The following ADAMTS4 variants were observed in gnomAD, a reference collection of about 807,000 sequenced individuals.
The protein encoded by ADAMTS4 is ADAM metallopeptidase with thrombospondin type 1 motif 4.
In ADAMTS4, 38 loss-of-function variants were observed where a neutral mutation model predicts 66.7. The ratio of observed to expected loss-of-function variants is 0.57; its 90% CI spans 0.44 to 0.75. The LOEUF (loss-of-function observed/expected upper bound fraction) is 0.75, where lower values mean the gene tolerates loss of function less well. ADAMTS4 is among the 30% of genes least tolerant of loss of function. ADAMTS4 has a pLI of 0.00. For synonymous variants in ADAMTS4, 418 were observed against 461.5 expected, an observed-to-expected ratio of 0.91 and a Z score of 1.21; for missense variants, 1,014 against 1,116.7, an observed-to-expected ratio of 0.91 and a Z score of 1.31.
Position 161,198,041 on chromosome 1 carries a change from AC to A in ADAMTS4, c.586del (p.Val196SerfsTer21). On this transcript the variant is annotated frameshift_variant, in exon 1 of 9. Transcript: ENST00000367996. LOFTEE classifies it high-confidence loss of function. This position sits in a 1 kb window ranked among gnomAD's most constrained non-coding sequence, Gnocchi z 4.7. ...PASGQGPMCNVKAPLGSPSPR... is the reference protein window; with the variant it reads ...PASGQGPMCNXKAPLGSPSPR... ...GCTGGGGCTTCCAAGAGGAGCCTTG[AC>A]GTTGCACATGGGACCTTGACCGCTG... 1 of 1,596,554 alleles carries A rather than the reference AC, an allele frequency of 6.3e-7. No individual in the cohort carries two copies. The highest frequency in any genetic ancestry group is 1.1e-5 in the South Asian group (1 of 89,006).
rs758489640 is a variant in ADAMTS4 at position 161,191,571 on chromosome 1, G to A, written c.2088-7C>T. On this transcript the variant is annotated splice_region_variant and splice_polypyrimidine_tract_variant and intron_variant, in intron 8 of 8. Transcript: ENST00000367996. ...CACATTGTTGTATCCGTACCTGTGT[G>A]GAAGGAGTAGATGGGGAGCTCAGGA... 25 of 1,598,854 alleles carry A rather than the reference G, an allele frequency of 1.6e-5. No homozygotes were observed. The South Asian group carries it at 2.6e-4, about 17-fold the overall frequency.
At chr1:161,197,959 A>C in intron 1 of ADAMTS4, 36 bp downstream of exon 1, 1 of 1,520,484 alleles carries the variant, frequency 6.6e-7, no homozygotes, top group African/African-American at 1.4e-5. Context: ...ACATGGCGGG[A>C]GGACACCGCA....
At chr1:161,192,336 T>C (rs1166277281) in intron 7 of ADAMTS4, 96 bp from the exon 8 acceptor site, 27 of 1,294,072 alleles carry the variant, frequency 2.1e-5, no homozygotes, top group African/African-American at 3.0e-5. Context: ...GGAAGCAATG[T>C]TGTCGGAAAA....
chr1:161,192,261 A>G (rs1664702225), intron 7 of ADAMTS4, 21 bp from the exon 8 acceptor site: 1 of 1,606,270 alleles, frequency 6.2e-7, no homozygotes, highest in African/African-American at 1.3e-5. Context: ...GAGAAAGAAC[A>G]ATGCTGAAGG....
rs1664859334 is a variant in ADAMTS4, at chr1:161,196,780, A to G, written c.734T>C (p.Val245Ala). 1 of 1,612,646 alleles carries G rather than the reference A, an allele frequency of 6.2e-7. No individual in the cohort carries two copies. The highest frequency in any genetic ancestry group is 1.3e-5 in the African/African-American group (1 of 74,872). Residue 245 changes from valine (V) to alanine (A), a missense_variant, in exon 2 of 9, where the codon GTG (valine) becomes GCG (alanine). Physicochemically the swap from Val to Ala is moderately conservative, Grantham distance 64 (BLOSUM62 0). Coordinates refer to ENST00000367996, the MANE Select transcript of ADAMTS4 (RefSeq NM_005099.6). ...GAGLKRYLLT[V>A]MAAAAKAFKH... ...GAAGGCCTTGGCTGCTGCTGCCATCACTGTTAGCAGGTAGCGCTTTAGCCC... is the reference window on the plus strand; with the variant it reads ...GAAGGCCTTGGCTGCTGCTGCCATCGCTGTTAGCAGGTAGCGCTTTAGCCC...
chr1:161,195,511 G>A lies in ADAMTS4; in HGVS notation c.1215C>T (p.Ser405=). ...MAHVDPEEPW[S]PCSARFITDF... is the part of the protein sequence containing the mutation. Reference sequence around the variant, plus strand: ...CAGTGATGAAGCGGGCACTGCAGGGGGACCAGGGCTCCTCAGGATCCACAT... The same window carrying A: ...CAGTGATGAAGCGGGCACTGCAGGGAGACCAGGGCTCCTCAGGATCCACAT... The change falls in exon 4 of 9, where the codon TCC becomes TCT. Residue 405 remains serine (S), a synonymous_variant. Transcript: ENST00000367996. 6.2e-7 allele frequency: 1 copy of A among 1,613,580 alleles called. No homozygotes were observed. The highest frequency in any genetic ancestry group is 8.5e-7 in the Non-Finnish European group (1 of 1,179,750).
In ADAMTS4 at chr1:161,191,444, A is replaced by G; in HGVS notation, c.2208T>C (p.Tyr736=). 1 of 1,614,188 alleles carries G rather than the reference A, an allele frequency of 6.2e-7. No homozygotes were observed. Among genetic ancestry groups the G allele is most frequent in the Admixed American group, 1.7e-5 (1 of 60,034 alleles). Residue 736 remains tyrosine, a synonymous_variant, in exon 9 of 9, where the codon TAT becomes TAC. Coordinates refer to ENST00000367996, the MANE Select transcript of ADAMTS4 (RefSeq NM_005099.6). The part of the protein sequence containing the change: ...YLALKLPDGS[Y]ALNGEYTLMP... ...TCAGCGTGTATTCACCATTGAGGGC[A>G]TAGGAGCCATCTGGCAGCTTCAGGG...
At position 161,196,141 on chromosome 1, in the gene ADAMTS4, T is replaced by C. The variant is rs779270132; in HGVS notation, c.1090+30A>G. On this transcript the variant is annotated intron_variant, in intron 3 of 8. Coordinates refer to ENST00000367996, the MANE Select transcript of ADAMTS4 (RefSeq NM_005099.6). ...ACCCCCTCCCCCACCTTCTCCTCCC[T>C]AATACCTTTCTCATCCACCCCTACT... is the stretch of plus-strand genomic sequence containing the variant. 40 of 1,446,326 alleles carry C rather than the reference T, an allele frequency of 2.8e-5. No homozygotes were observed. In the South Asian group the frequency reaches 4.4e-4, roughly 16 times the overall value. 89.6% of individuals were successfully genotyped at this position (1,446,326 alleles called of 1,614,324 possible).
chr1:161,185,568 A>G lies in ADAMTS4; in HGVS notation c.*5570T>C, dbSNP rs1208114253. Reference sequence around the variant, plus strand: ...CAACAGTCAATGGGGAAGGTACTCAATTGGTTCAGAAACATCCTCTCAGCC... The same window carrying G: ...CAACAGTCAATGGGGAAGGTACTCAGTTGGTTCAGAAACATCCTCTCAGCC... On this transcript the variant is annotated 3_prime_UTR_variant, in exon 9 of 9. Transcript: ENST00000367996. 1 of 152,066 alleles carries G rather than the reference A, an allele frequency of 6.6e-6. No homozygotes were observed. The highest frequency in any genetic ancestry group is 1.9e-4 in the East Asian group (1 of 5,196). The allele number at this position is 152,066 out of a possible 1,614,324, so 9.4% of individuals were successfully genotyped here.
rs879128704 is a variant in ADAMTS4, at chr1:161,191,399, C to G, written c.2253G>C (p.Val751=). Residue 751 remains valine, a synonymous_variant, in exon 9 of 9, where the codon GTG becomes GTC. Coordinates refer to ENST00000367996, the MANE Select transcript of ADAMTS4 (RefSeq NM_005099.6). ...GCAAGCTGACTGCCCCAGGCAGTAC[C>G]ACATCTGTGGGGGAGGGCATCAGCG... is the stretch of plus-strand genomic sequence containing the variant. ...EYTLMPSPTD[V]VLPGAVSLRY... 1 of 1,614,130 alleles carries G rather than the reference C, an allele frequency of 6.2e-7. No homozygotes were observed. The highest frequency in any genetic ancestry group is 8.5e-7 in the Non-Finnish European group (1 of 1,180,036).
intron 3 of ADAMTS4, 76 bp from the exon 4 acceptor site, chr1:161,195,711 T>C (rs1387266568): frequency 1.4e-6 from 2 of 1,440,158 alleles, no homozygotes; most frequent in African/African-American, 1.4e-5. Context: ...TAAATCTGGC[T>C]GCAGCTGTGG....
At position 161,189,261 on chromosome 1, in the gene ADAMTS4, T is replaced by G. The variant is rs1313143018; in HGVS notation, c.*1877A>C. ...GATACTGTTAGTCCCATATGAGCAA[T>G]CTAAGGCTCAGCATCAGTGACTTAC... On this transcript the variant is annotated 3_prime_UTR_variant, in exon 9 of 9. Coordinates refer to ENST00000367996, the MANE Select transcript of ADAMTS4 (RefSeq NM_005099.6). The G allele has an allele frequency of 6.6e-6, 1 of 152,060 alleles. No individual in the cohort carries two copies. The highest frequency in any genetic ancestry group is 1.5e-5 in the Non-Finnish European group (1 of 68,018). The allele number at this position is 152,060 out of a possible 1,614,324, so 9.4% of individuals were successfully genotyped here.
chr1:161,191,579 T>C lies in ADAMTS4; in HGVS notation c.2088-15A>G, dbSNP rs374877895. The C allele has an allele frequency of 6.3e-7, 1 of 1,591,018 alleles. No homozygotes were observed. The highest frequency in any genetic ancestry group is 8.6e-7 in the Non-Finnish European group (1 of 1,165,710). ...TGTATCCGTACCTGTGTGGAAGGAG[T>C]AGATGGGGAGCTCAGGATCACCTGA... On this transcript the variant is annotated splice_polypyrimidine_tract_variant and intron_variant, in intron 8 of 8. Coordinates refer to ENST00000367996, the MANE Select transcript of ADAMTS4 (RefSeq NM_005099.6).
chr1:161,197,796 G>A (rs1664915085), intron 1 of ADAMTS4, among the ~76,000 whole-genome samples, 199 bp downstream of exon 1: 1 of 152,090 alleles, frequency 6.6e-6, no homozygotes, highest in South Asian at 2.1e-4. Flanking sequence ...AACCCTCGGT[G>A]GGTCTGGCTA....
Position 161,192,159 on chromosome 1 carries a change from T to C in ADAMTS4, c.1993A>G (p.Ile665Val), listed in dbSNP as rs771753545. Residue 665 changes from isoleucine to valine, a missense_variant, in exon 8 of 9, where the codon ATC (isoleucine) becomes GTC (valine). Coordinates refer to ENST00000367996, the MANE Select transcript of ADAMTS4 (RefSeq NM_005099.6). ...GRCIHAGCDR[I>V]IGSKKKFDKC... The stretch of plus-strand genomic sequence containing the variant: ...TCAAACTTCTTCTTGGAGCCAATGA[T>C]GCGATCACAGCCAGCATGGATGCAT... 1.2e-5 allele frequency: 19 copies of C among 1,614,002 alleles called. No homozygotes were observed. The East Asian group carries it at 4.0e-4, about 34-fold the overall frequency.
intron 4 of ADAMTS4, 52 bp downstream of exon 4, chr1:161,195,413 G>A: frequency 6.5e-7 from 1 of 1,539,472 alleles, no homozygotes; most frequent in Non-Finnish European, 8.8e-7. Flanking sequence ...AGAGTGCCCT[G>A]GAGGACAGGA....
intron 1 of ADAMTS4, chr1:161,197,196 G>A: frequency 6.3e-6 from 2 of 316,346 alleles, no homozygotes; most frequent in South Asian, 3.7e-5. Flanking sequence ...GGACTTTGGG[G>A]TTCTCCAGGC....
At chr1:161,191,871 G>C (rs1203132982) in intron 8 of ADAMTS4, among the ~76,000 whole-genome samples, 194 bp downstream of exon 8, 1 of 152,152 alleles carries the variant, frequency 6.6e-6, no homozygotes, top group East Asian at 1.9e-4. Context: ...CTTCCCTGAT[G>C]CCCACAAGGG....
rs1477548958 is a variant in ADAMTS4, at chr1:161,194,765, A to G, written c.1262-544T>C. On this transcript the variant is annotated intron_variant, in intron 4 of 8. Transcript: ENST00000367996. This position sits in a 1 kb window ranked among gnomAD's most constrained non-coding sequence, Gnocchi z 4.1. ...ATGAGCATTGGCTAAATGCTTGACC[A>G]GCACTATTTAATCATGGCAAATACC... Among the ~76,000 whole-genome samples, 2 of 152,246 alleles carry G rather than the reference A, an allele frequency of 1.3e-5. No individual in the cohort carries two copies. Among genetic ancestry groups the G allele is most frequent in the African/African-American group, 4.8e-5 (2 of 41,466 alleles).
Sources: gnomAD v4.1 joint callset for allele counts (sites outside exome capture counted in the v4.1 genomes callset) on GRCh38, gnomAD v4.1.1 for gene constraint, Gnocchi (gnomAD v3.1) non-coding constraint, MANE v1.5 for transcripts, NCBI Gene and HGNC (gene_info 2026-07-23, HGNC 2026-07-21) for gene names.